The following USP10 variants were observed in gnomAD, a reference collection of about 807,000 sequenced individuals.
USP10 encodes ubiquitin carboxyl-terminal hydrolase 10.
A neutral mutation model predicts 84.5 loss-of-function variants in USP10; 22 were observed. That is an observed-to-expected ratio of 0.26 (90% CI 0.19 to 0.37). The LOEUF (loss-of-function observed/expected upper bound fraction) is 0.37, where lower values mean the gene tolerates loss of function less well. Ranked by LOEUF, USP10 falls within the 10% of genes least tolerant of loss-of-function variation. The pLI is 1.00. For synonymous variants in USP10, 454 were observed against 387.6 expected, an observed-to-expected ratio of 1.17 and a Z score of -2.01; for missense variants, 1,019 against 998.9, an observed-to-expected ratio of 1.02 and a Z score of -0.27.
At chr16:84,700,890 C>T (rs1467743994) in intron 1 of USP10, among the ~76,000 whole-genome samples, 1 of 152,044 alleles carries the variant, frequency 6.6e-6, no homozygotes, top group African/African-American at 2.4e-5. Flanking sequence ...TTATTCCCCT[C>T]TCCCACCCCT....
At chr16:84,716,919 TTAAAA>T (rs1907097810) in intron 1 of USP10, among the ~76,000 whole-genome samples, 2 of 152,234 alleles carry the variant, frequency 1.3e-5, no homozygotes, top group Non-Finnish European at 2.9e-5. Context: ...GTTACGCAAC[TTAAAA>T]TAGAAGTCCA....
chr16:84,770,822 T>C (rs1214193131), intron 11 of USP10, among the ~76,000 whole-genome samples: 2 of 147,408 alleles, frequency 1.4e-5, no homozygotes, highest in South Asian at 2.2e-4. Flanking sequence ...AATCCCAGCA[T>C]TTTCGGAGGC....
chr16:84,728,996 C>A (rs989325599), intron 1 of USP10, among the ~76,000 whole-genome samples: 1 of 151,982 alleles, frequency 6.6e-6, no homozygotes, highest in South Asian at 2.1e-4. Flanking sequence ...GTGGATTTCA[C>A]CATTTTGGCT....
chr16:84,771,050 G>C (rs1914397489), intron 11 of USP10, among the ~76,000 whole-genome samples: 1 of 101,542 alleles, frequency 9.8e-6, no homozygotes, highest in Admixed American at 1.1e-4. Context: ...GAGCGAGACT[G>C]TCTCAAAAAA....
intron 1 of USP10, among the ~76,000 whole-genome samples, chr16:84,718,211 G>A (rs1177903326): frequency 6.6e-6 from 1 of 152,154 alleles, no homozygotes; most frequent in Admixed American, 6.5e-5. Context: ...AATTACAAAA[G>A]AAATGTCTTT....
intron 12 of USP10, among the ~76,000 whole-genome samples, chr16:84,773,512 A>T (rs573413587): frequency 6.6e-6 from 1 of 151,896 alleles, no homozygotes; most frequent in Non-Finnish European, 1.5e-5. Flanking sequence ...CTCCCTGTCT[A>T]CCCTAGGGGC....
chr16:84,731,747 C>T (rs1434811661), intron 1 of USP10, among the ~76,000 whole-genome samples: 1 of 151,228 alleles, frequency 6.6e-6, no homozygotes, highest in Non-Finnish European at 1.5e-5. Flanking sequence ...AATTAATTTC[C>T]GCGAACACTT....
At chr16:84,729,565 C>A (rs1567607158) in intron 1 of USP10, among the ~76,000 whole-genome samples, 1 of 152,196 alleles carries the variant, frequency 6.6e-6, no homozygotes, top group Non-Finnish European at 1.5e-5. Context: ...GATGGAAATT[C>A]TAATCAAGTT....
rs1910484987 is a variant in USP10 at position 84,740,386 on chromosome 16, C to T, written c.151+17C>T. On this transcript the variant is annotated intron_variant, in intron 3 of 13. Transcript: ENST00000219473. ...TACCTGATGGTAAGCTAGTTCTCTC[C>T]TTATTTCCCTGAAGGGAATTTGGCC... is the stretch of plus-strand genomic sequence containing the variant. 1 of 1,608,894 alleles carries T rather than the reference C, an allele frequency of 6.2e-7. No individual in the cohort carries two copies. Among genetic ancestry groups the T allele is most frequent in the Non-Finnish European group, 8.5e-7 (1 of 1,176,592 alleles).
chr16:84,756,464 A>G (rs1053025875), intron 4 of USP10, among the ~76,000 whole-genome samples: 5 of 152,098 alleles, frequency 3.3e-5, no homozygotes, highest in Admixed American at 6.5e-5. Context: ...GTGGTGGTGC[A>G]CGTCTGTAAT....
rs35956790 is a variant in USP10 at position 84,739,062 on chromosome 16, C to CTTTT, written c.91-1236_91-1233dup. Among the ~76,000 whole-genome samples the CTTTT allele has an allele frequency of 5.9e-4, 84 of 142,760 alleles. 1 individual carries two copies. The highest frequency in any genetic ancestry group is 9.6e-4 in the Non-Finnish European group (63 of 65,302). 93.7% of individuals were successfully genotyped at this position (142,760 alleles called of 152,430 possible). A position where few individuals can be genotyped will look rare whatever the true frequency, so the allele number is the denominator to read the frequency against. The stretch of plus-strand genomic sequence containing the variant: ...TACCTTACCCCTTTTCTTCCTAAAC[C>CTTTT]TTTTTTTTTTTTTTGAGACAGAGTC... On this transcript the variant is annotated intron_variant, in intron 2 of 13. Coordinates refer to ENST00000219473, the MANE Select transcript of USP10 (RefSeq NM_005153.3).
intron 1 of USP10, among the ~76,000 whole-genome samples, chr16:84,725,603 C>G (rs1187565105): frequency 6.6e-6 from 1 of 152,042 alleles, no homozygotes; most frequent in East Asian, 1.9e-4. Context: ...CAGGGTTTCA[C>G]CATGTTGGCA....
At chr16:84,753,504 C>T (rs1912174528) in intron 4 of USP10, among the ~76,000 whole-genome samples, 1 of 152,166 alleles carries the variant, frequency 6.6e-6, no homozygotes, top group Non-Finnish European at 1.5e-5. Flanking sequence ...TATTTACATG[C>T]GTGCTCATCT....
intron 12 of USP10, among the ~76,000 whole-genome samples, chr16:84,774,148 G>A (rs1597407325): frequency 6.6e-6 from 1 of 152,072 alleles, no homozygotes. Context: ...TACTTGGGAG[G>A]CTGAGGCAGG....
chr16:84,760,002 A>G (rs1913020689), intron 7 of USP10, 56 bp downstream of exon 7: 3 of 1,596,932 alleles, frequency 1.9e-6, no homozygotes, highest in African/African-American at 1.3e-5. Context: ...ATGGAGACAG[A>G]TGACTTAAAT....
intron 1 of USP10, among the ~76,000 whole-genome samples, chr16:84,722,803 G>A (rs538770233): frequency 3.9e-5 from 6 of 152,160 alleles, no homozygotes; most frequent in Middle Eastern, 6.8e-3. Context: ...TGATTTGTCC[G>A]CCTCGGCCTC....
intron 1 of USP10, among the ~76,000 whole-genome samples, chr16:84,728,254 T>C (rs530428311): frequency 2.6e-5 from 4 of 152,348 alleles, no homozygotes; most frequent in East Asian, 1.9e-4. Flanking sequence ...TAGTCAGATA[T>C]CATTTTAGTT....
At chr16:84,714,507 G>C (rs1046438807) in intron 1 of USP10, among the ~76,000 whole-genome samples, 2 of 150,974 alleles carry the variant, frequency 1.3e-5, no homozygotes, top group African/African-American at 4.9e-5. Flanking sequence ...ATTGTTGAAT[G>C]TTTTTCCATT....
chr16:84,757,339 C>T (rs936542417), intron 4 of USP10, among the ~76,000 whole-genome samples: 3 of 151,004 alleles, frequency 2.0e-5, no homozygotes, highest in East Asian at 1.9e-4. Context: ...TTATTCCCTA[C>T]GCTTCTTCAG....
Sources: allele counts gnomAD v4.1 joint callset (sites outside exome capture counted in the v4.1 genomes callset), GRCh38; gene constraint gnomAD v4.1.1; transcripts MANE v1.5; gene names NCBI Gene and HGNC (gene_info 2026-07-23, HGNC 2026-07-21).